THSD7A: variants seen among roughly 807,000 people sequenced by gnomAD.
THSD7A encodes thrombospondin type 1 domain containing 7A, also known as thrombospondin type-1 domain-containing protein 7A.
In THSD7A, 96 loss-of-function variants were observed where a neutral mutation model predicts 231.3. That is an observed-to-expected ratio of 0.41 (90% CI 0.35 to 0.49). THSD7A has a LOEUF of 0.49. Ranked by LOEUF, THSD7A falls within the 20% of genes least tolerant of loss-of-function variation. The probability of loss-of-function intolerance (pLI) is 0.05; values close to 1 mark genes in which losing one functional copy is unlikely to be tolerated. For synonymous variants in THSD7A, 940 were observed against 743.3 expected (o/e 1.26, Z -4.30); for missense variants, 2,290 against 2,070.2 (o/e 1.11, Z -2.06).
chr7:11,745,826 C>T (rs1782280796), intron 1 of THSD7A, among the ~76,000 whole-genome samples: 1 of 152,090 alleles, frequency 6.6e-6, no homozygotes, highest in South Asian at 2.1e-4. Flanking sequence ...GTACCAGTAC[C>T]ATGCTGTTTT....
At chr7:11,395,714 G>C (rs551856541) in intron 23 of THSD7A, among the ~76,000 whole-genome samples, 2 of 151,958 alleles carry the variant, frequency 1.3e-5, no homozygotes, top group Non-Finnish European at 2.9e-5. Context: ...TTTTAGTAGA[G>C]ATGGGGTTTC....
Position 11,537,898 on chromosome 7 carries a change from C to T in THSD7A, c.1822+3521G>A, listed in dbSNP as rs145369041. Among the ~76,000 whole-genome samples, 266 of 152,284 alleles carry T rather than the reference C, an allele frequency of 1.7e-3. 4 individuals are homozygous for T. The highest frequency in any genetic ancestry group is 6.2e-3 in the African/African-American group (257 of 41,572). On this transcript the variant is annotated intron_variant, in intron 6 of 27. Coordinates refer to ENST00000423059, the MANE Select transcript of THSD7A (RefSeq NM_015204.3). ...GTGCTTAGACATAGGCCTTCTTCAG[C>T]ATTACTAGAAGCCAGCCGGTTTGAC...
At position 11,412,742 on chromosome 7, in the gene THSD7A, T is replaced by C; in HGVS notation, c.3596A>G (p.Asp1199Gly). Reference sequence around the variant, plus strand: ...AGCATTAGGGCAAGATCTTCCTTCATCAGCTGGTTGTCTGATGGGATCAGC... The same window carrying C: ...AGCATTAGGGCAAGATCTTCCTTCACCAGCTGGTTGTCTGATGGGATCAGC... ...RSADPIRQPA[D>G]EGRSCPNAVE... Residue 1199 changes from aspartate (D) to glycine (G), a missense_variant, in exon 18 of 28, where the codon GAT becomes GGT. Coordinates refer to ENST00000423059, the MANE Select transcript of THSD7A (RefSeq NM_015204.3). 1 of 1,613,722 alleles carries C rather than the reference T, an allele frequency of 6.2e-7. No homozygotes were observed. Among genetic ancestry groups the C allele is most frequent in the Non-Finnish European group, 8.5e-7 (1 of 1,179,784 alleles).
intron 10 of THSD7A, among the ~76,000 whole-genome samples, chr7:11,461,337 A>G (rs942893149): frequency 2.6e-5 from 4 of 152,228 alleles, no homozygotes; most frequent in African/African-American, 9.6e-5. Context: ...AAATTTGACA[A>G]TGTCATCTTA....
intron 1 of THSD7A, among the ~76,000 whole-genome samples, chr7:11,679,224 A>C (rs1000153839): frequency 1.3e-5 from 2 of 152,204 alleles, no homozygotes; most frequent in African/African-American, 2.4e-5. Flanking sequence ...TATTTATGAC[A>C]AACCCACAGC....
chr7:11,738,088 T>A (rs141685213), intron 1 of THSD7A, among the ~76,000 whole-genome samples: 1,686 of 152,122 alleles, frequency 0.011, 28 homozygotes, highest in African/African-American at 0.038. Flanking sequence ...TCTGTTGGAA[T>A]CTAAGTTTAT....
intron 6 of THSD7A, among the ~76,000 whole-genome samples, chr7:11,498,949 C>T (rs1787222350): frequency 6.6e-6 from 1 of 152,184 alleles, no homozygotes; most frequent in Admixed American, 6.5e-5. Context: ...CTGGGCAGGT[C>T]CTCCAAGCCT....
intron 1 of THSD7A, among the ~76,000 whole-genome samples, chr7:11,824,057 T>C (rs540875516): frequency 6.6e-6 from 1 of 152,078 alleles, no homozygotes; most frequent in Non-Finnish European, 1.5e-5. Context: ...TGTCATCACT[T>C]GAATGCATTT....
chr7:11,602,266 C>T (rs964346440), intron 2 of THSD7A, among the ~76,000 whole-genome samples: 20 of 151,914 alleles, frequency 1.3e-4, no homozygotes, highest in African/African-American at 4.8e-4. Flanking sequence ...ATATAGTTTA[C>T]ATATATAATA....
chr7:11,588,290 C>G (rs182185178), intron 4 of THSD7A, among the ~76,000 whole-genome samples: 4 of 152,216 alleles, frequency 2.6e-5, no homozygotes, highest in African/African-American at 7.2e-5. Flanking sequence ...ATGTTAAGTG[C>G]TCCCGGGGAG....
intron 13 of THSD7A, among the ~76,000 whole-genome samples, chr7:11,430,819 G>A (rs1452024250): frequency 6.6e-6 from 1 of 152,146 alleles, no homozygotes. Context: ...GTTATAGCAT[G>A]TATCAGTTCT....
intron 1 of THSD7A, among the ~76,000 whole-genome samples, chr7:11,768,651 T>G: frequency 6.6e-6 from 1 of 152,184 alleles, no homozygotes; most frequent in East Asian, 1.9e-4. Flanking sequence ...AGTTCACAGT[T>G]TCATTAAAAA....
chr7:11,600,432 T>C (rs1780510613), intron 2 of THSD7A, among the ~76,000 whole-genome samples: 1 of 152,166 alleles, frequency 6.6e-6, no homozygotes, highest in South Asian at 2.1e-4. Flanking sequence ...TTTATCAGTA[T>C]TTATGTTCAA....
At chr7:11,502,692 G>T (rs1289785411) in intron 6 of THSD7A, among the ~76,000 whole-genome samples, 1 of 151,976 alleles carries the variant, frequency 6.6e-6, no homozygotes, top group African/African-American at 2.4e-5. Context: ...AATCAGAAAG[G>T]GAATCCCATT....
intron 1 of THSD7A, among the ~76,000 whole-genome samples, chr7:11,708,188 G>A (rs1780832489): frequency 6.6e-6 from 1 of 150,660 alleles, no homozygotes; most frequent in Admixed American, 6.6e-5. Flanking sequence ...TAGAGAGAAG[G>A]TTTATATTTT....
intron 1 of THSD7A, among the ~76,000 whole-genome samples, chr7:11,747,699 T>A (rs1782357246): frequency 6.6e-6 from 1 of 151,878 alleles, no homozygotes; most frequent in African/African-American, 2.4e-5. Flanking sequence ...AGTGCATATG[T>A]GCTGCTGTAG....
rs959657257 is a variant in THSD7A, at chr7:11,589,156, T to G, written c.1453+1304A>C. The stretch of plus-strand genomic sequence containing the variant: ...CATATTCCTTCCCAAAATATTCTCC[T>G]TTTTTGGTATTTCATCTGGTGGTAT... On this transcript the variant is annotated intron_variant, in intron 4 of 27. Transcript: ENST00000423059. Among the ~76,000 whole-genome samples, 3 of 152,168 alleles carry G rather than the reference T, an allele frequency of 2.0e-5. No individual in the cohort carries two copies. The South Asian group carries it at 6.2e-4, about 32-fold the overall frequency.
At chr7:11,815,080 A>C in intron 1 of THSD7A, among the ~76,000 whole-genome samples, 1 of 99,404 alleles carries the variant, frequency 1.0e-5, no homozygotes, top group Non-Finnish European at 2.4e-5. Context: ...ATTCCCTAAA[A>C]CTCAAAAAAA....
At position 11,460,727 on chromosome 7, in the gene THSD7A, G is replaced by T. The variant is rs1035019818; in HGVS notation, c.2540C>A (p.Pro847His). Residue 847 changes from proline (P) to histidine (H), a missense_variant, in exon 11 of 28, where the codon CCT (proline) becomes CAT (histidine). Transcript: ENST00000423059. ...AGGGCTGTCTTGTTGCACGCTCCAA[G>T]GGACTAATTGGCATCTGCGCCATTT... ...THKWRRCQLV[P>H]WSVQQDSPGA... is the part of the protein sequence containing the mutation. 1 of 1,612,652 alleles carries T rather than the reference G, an allele frequency of 6.2e-7. No homozygotes were observed. The highest frequency in any genetic ancestry group is 8.5e-7 in the Non-Finnish European group (1 of 1,179,426).
Sources: gnomAD v4.1 joint callset for allele counts (sites outside exome capture counted in the v4.1 genomes callset) on GRCh38, gnomAD v4.1.1 for gene constraint, MANE v1.5 for transcripts, NCBI Gene and HGNC (gene_info 2026-07-23, HGNC 2026-07-21) for gene names.